NHS: variants seen among roughly 807,000 people sequenced by gnomAD.
NHS encodes the protein actin remodeling regulator NHS.
In NHS, 5 loss-of-function variants were observed where a neutral mutation model predicts 72.5. That is an observed-to-expected ratio of 0.07 (90% CI 0.04 to 0.14). The LOEUF (loss-of-function observed/expected upper bound fraction) is 0.14, where lower values mean the gene tolerates loss of function less well. NHS is among the 10% of genes least tolerant of loss of function. NHS has a pLI of 1.00. For missense variants in NHS, 1,072 were observed against 1,355.7 expected (o/e 0.79, Z 3.29); for synonymous variants, 464 against 547.7 (o/e 0.85, Z 2.13).
At chrX:17,578,815 T>C (rs781241593) in intron 1 of NHS, among the ~76,000 whole-genome samples, 9 of 112,338 alleles carry the variant, frequency 8.0e-5, no homozygotes, top group Non-Finnish European at 1.5e-4. Flanking sequence ...TGGCATATAG[T>C]AAGTGCTCAA....
At position 17,716,671 on chromosome X, in the gene NHS, A is replaced by T. The variant is rs2066365838; in HGVS notation, c.853-2673A>T. On this transcript the variant is annotated intron_variant, in intron 3 of 8. Transcript: ENST00000676302. ...TTAAATAAGATCTAGATCAAAATTA[A>T]CTGGGCCCGAGGAGGAGACATTTGC... Among the ~76,000 whole-genome samples, 4 of 111,755 alleles carry T rather than the reference A, an allele frequency of 3.6e-5. No individual in the cohort carries two copies. In the Admixed American group the frequency reaches 3.8e-4, roughly 11 times the overall value.
intron 1 of NHS, among the ~76,000 whole-genome samples, chrX:17,679,293 T>C (rs994261999): frequency 8.9e-6 from 1 of 112,064 alleles, no homozygotes; most frequent in Non-Finnish European, 1.9e-5. Flanking sequence ...ATCCTGTGGA[T>C]AAATGAAACC....
rs184330262 is a variant in NHS at position 17,597,647 on chromosome X, T to A, written c.566-90095T>A. ...ATGGGAGATAAAAATTGTTCTCATTTGGGTTTATTTTTTTTCCAGGCACAG... is the reference window on the plus strand; with the variant it reads ...ATGGGAGATAAAAATTGTTCTCATTAGGGTTTATTTTTTTTCCAGGCACAG... On this transcript the variant is annotated intron_variant, in intron 1 of 8. Coordinates refer to ENST00000676302, the MANE Select transcript of NHS (RefSeq NM_001291867.2). Among the ~76,000 whole-genome samples the A allele has an allele frequency of 2.7e-5, 3 of 110,676 alleles. No homozygotes were observed. The Admixed American group carries it at 2.9e-4, about 11-fold the overall frequency.
At chrX:17,381,734 G>A (rs765293888) in intron 1 of NHS, among the ~76,000 whole-genome samples, 26 of 112,335 alleles carry the variant, frequency 2.3e-4, no homozygotes, top group African/African-American at 7.7e-4. Flanking sequence ...GGGAGCTATT[G>A]CGTGAACAAT....
At chrX:17,531,722 G>A (rs1401990962) in intron 1 of NHS, among the ~76,000 whole-genome samples, 2 of 112,022 alleles carry the variant, frequency 1.8e-5, no homozygotes, top group African/African-American at 3.2e-5. Flanking sequence ...CTGCAGCCAC[G>A]CTGGCCTATT....
At chrX:17,661,448 C>A in intron 1 of NHS, among the ~76,000 whole-genome samples, 1 of 109,226 alleles carries the variant, frequency 9.2e-6, no homozygotes, top group Admixed American at 9.7e-5. Context: ...TGACAGGCCC[C>A]GGTGTGTGAT....
intron 1 of NHS, among the ~76,000 whole-genome samples, chrX:17,591,397 A>G (rs2065602206): frequency 1.8e-5 from 2 of 111,622 alleles, no homozygotes; most frequent in Non-Finnish European, 3.8e-5. Context: ...AACCAAACCC[A>G]AGATCTACTA....
At chrX:17,608,544 C>A (rs1197627428) in intron 1 of NHS, among the ~76,000 whole-genome samples, 1 of 112,169 alleles carries the variant, frequency 8.9e-6, no homozygotes, top group Non-Finnish European at 1.9e-5. Flanking sequence ...GTTTCTAAAT[C>A]TCAGCAGCCT....
intron 1 of NHS, among the ~76,000 whole-genome samples, chrX:17,676,213 G>A (rs936279019): frequency 3.6e-5 from 4 of 111,613 alleles, no homozygotes; most frequent in Non-Finnish European, 7.5e-5. Context: ...ATAAAATGGC[G>A]ATTTTCACAT....
chrX:17,729,639 G>A (rs1247357962), intron 8 of NHS, among the ~76,000 whole-genome samples: 1 of 111,896 alleles, frequency 8.9e-6, no homozygotes, highest in African/African-American at 3.3e-5. Flanking sequence ...ATGAGCCCTT[G>A]TGATCCATGG....
intron 1 of NHS, among the ~76,000 whole-genome samples, chrX:17,506,703 A>G (rs2065060829): frequency 9.0e-6 from 1 of 111,000 alleles, no homozygotes; most frequent in Non-Finnish European, 1.9e-5. Flanking sequence ...TGCCTTTTAA[A>G]TTCTCAACAA....
chrX:17,624,852 A>G (rs2147064800), intron 1 of NHS, among the ~76,000 whole-genome samples: 1 of 112,434 alleles, frequency 8.9e-6, no homozygotes, highest in South Asian at 3.7e-4. Flanking sequence ...CCAAGGCATG[A>G]TGGGAAGAGA....
chrX:17,487,103 G>A (rs1230059175), intron 1 of NHS, among the ~76,000 whole-genome samples: 1 of 111,830 alleles, frequency 8.9e-6, no homozygotes, highest in Non-Finnish European at 1.9e-5. Flanking sequence ...ACAACTTTGG[G>A]GCACTTTGAA....
chrX:17,468,175 G>A (rs915776012), intron 1 of NHS, among the ~76,000 whole-genome samples: 11 of 111,164 alleles, frequency 9.9e-5, no homozygotes, highest in Middle Eastern at 4.6e-3. Flanking sequence ...CCCTCTGCTG[G>A]TTTTTCCCAT....
At chrX:17,470,204 A>G (rs1569261181) in intron 1 of NHS, among the ~76,000 whole-genome samples, 2 of 110,187 alleles carry the variant, frequency 1.8e-5, no homozygotes, top group Non-Finnish European at 3.8e-5. Flanking sequence ...TCCTAAGGCC[A>G]CCCATCTAAA....
Position 17,726,695 on chromosome X carries a change from A to G in NHS, c.2589A>G (p.Gly863=). The G allele has an allele frequency of 1.7e-6, 2 of 1,211,977 alleles. No individual in the cohort carries two copies. The highest frequency in any genetic ancestry group is 2.2e-6 in the Non-Finnish European group (2 of 895,606). ...GCTCATCATTGAGGAAGTCTGATGG[A>G]AACGCAGATATTTCTGAGAAGAAAG... ...KRSSSLRKSD[G]NADISEKKEP... is the part of the protein sequence containing the mutation. The change falls in exon 7 of 9, where the codon GGA becomes GGG. Residue 863 remains glycine (G), a synonymous_variant. Coordinates refer to ENST00000676302, the MANE Select transcript of NHS (RefSeq NM_001291867.2).
At chrX:17,505,394 A>G (rs1200298316) in intron 1 of NHS, among the ~76,000 whole-genome samples, 1 of 111,528 alleles carries the variant, frequency 9.0e-6, no homozygotes, top group Non-Finnish European at 1.9e-5. Context: ...CCCTCCAATT[A>G]GGTTGCACCA....
At chrX:17,471,129 T>C (rs1004668823) in intron 1 of NHS, among the ~76,000 whole-genome samples, 4 of 112,620 alleles carry the variant, frequency 3.6e-5, no homozygotes, top group African/African-American at 1.3e-4. Flanking sequence ...CTCTCTTTTT[T>C]CTTGATTATT....
At chrX:17,401,611 G>A (rs2064503331) in intron 1 of NHS, among the ~76,000 whole-genome samples, 1 of 111,915 alleles carries the variant, frequency 8.9e-6, no homozygotes, top group Non-Finnish European at 1.9e-5. Flanking sequence ...GTGTTAACAA[G>A]GCCATGCTCT....
Sources: allele counts gnomAD v4.1 joint callset (sites outside exome capture counted in the v4.1 genomes callset), GRCh38; gene constraint gnomAD v4.1.1; transcripts MANE v1.5; gene names NCBI Gene and HGNC (gene_info 2026-07-23, HGNC 2026-07-21).